The following XRRA1 variants were observed in gnomAD, a reference collection of about 807,000 sequenced individuals.
The protein encoded by XRRA1 is X-ray radiation resistance associated 1.
XRRA1 carries 69 observed loss-of-function variants against 80.2 expected under a neutral mutation model. The observed-to-expected ratio is 0.86, with a 90% CI of 0.71 to 1.05. The LOEUF is 1.05. Ranked by LOEUF, XRRA1 falls within the 50% of genes least tolerant of loss-of-function variation. The probability of loss-of-function intolerance (pLI) is 0.00; values close to 1 mark genes in which losing one functional copy is unlikely to be tolerated. For synonymous variants in XRRA1, 348 were observed against 389.9 expected (o/e 0.89, Z 1.27); for missense variants, 967 against 976.4 (o/e 0.99, Z 0.13).
At chr11:74,929,756 A>G (rs553845671) in intron 6 of XRRA1, among the ~76,000 whole-genome samples, 49 of 152,214 alleles carry the variant, frequency 3.2e-4, no homozygotes, top group Non-Finnish European at 5.4e-4. Context: ...TTGAAGTCCC[A>G]CGTATATGCT....
intron 5 of XRRA1, 137 bp downstream of exon 5, chr11:74,933,664 C>G: frequency 3.0e-6 from 2 of 675,134 alleles, no homozygotes; most frequent in Non-Finnish European, 5.1e-6. Context: ...CCTTGTCTGA[C>G]TCTCCTCTCC....
intron 10 of XRRA1, among the ~76,000 whole-genome samples, chr11:74,905,609 G>T (rs568082801): frequency 6.6e-6 from 1 of 152,264 alleles, no homozygotes; most frequent in Admixed American, 6.5e-5. Flanking sequence ...TGTGGTTTTT[G>T]ATTTGTTTTG....
intron 10 of XRRA1, among the ~76,000 whole-genome samples, chr11:74,904,835 A>G (rs374466784): frequency 1.5e-4 from 22 of 151,646 alleles, no homozygotes; most frequent in East Asian, 1.4e-3. Flanking sequence ...AAAATACACA[A>G]CCTACCAAGA....
chr11:74,886,654 G>C (rs1445528872), intron 10 of XRRA1, among the ~76,000 whole-genome samples: 1 of 152,066 alleles, frequency 6.6e-6, no homozygotes. Context: ...GCAATTTATA[G>C]ATTCAATGCT....
chr11:74,853,096 T>A (rs2040273800), intron 12 of XRRA1, among the ~76,000 whole-genome samples: 1 of 152,184 alleles, frequency 6.6e-6, no homozygotes, highest in Non-Finnish European at 1.5e-5. Context: ...ACAGACACAA[T>A]TTCTGCCCTC....
intron 10 of XRRA1, chr11:74,863,367 T>TA (rs1206006459): frequency 3.5e-6 from 1 of 289,770 alleles, no homozygotes; most frequent in Non-Finnish European, 6.5e-6. Context: ...TTAAAGCACA[T>TA]AAGCACTTTC....
intron 8 of XRRA1, among the ~76,000 whole-genome samples, chr11:74,914,979 G>C (rs1311833028): frequency 6.6e-6 from 1 of 152,180 alleles, no homozygotes; most frequent in African/African-American, 2.4e-5. Context: ...CTAAGGTCCT[G>C]TGGCCATCTA....
intron 2 of XRRA1, 132 bp from the exon 3 acceptor site, chr11:74,941,014 G>A (rs2139915945): frequency 6.2e-6 from 4 of 641,798 alleles, no homozygotes; most frequent in South Asian, 5.6e-5. Flanking sequence ...ACACCCTGGA[G>A]GCCCCACTGC....
At chr11:74,897,441 T>G (rs918718505) in intron 10 of XRRA1, among the ~76,000 whole-genome samples, 1 of 151,976 alleles carries the variant, frequency 6.6e-6, no homozygotes, top group African/African-American at 2.4e-5. Flanking sequence ...GATAGAAAGT[T>G]TATTCAAATG....
intron 8 of XRRA1, among the ~76,000 whole-genome samples, chr11:74,908,844 T>G (rs79105241): frequency 0.024 from 3,636 of 152,296 alleles, 128 homozygotes; most frequent in African/African-American, 0.083. Context: ...AATCTCTTCG[T>G]GGCTGGATCT....
intron 5 of XRRA1, among the ~76,000 whole-genome samples, chr11:74,932,522 GCA>G (rs955087041): frequency 1.3e-5 from 2 of 152,162 alleles, no homozygotes; most frequent in African/African-American, 4.8e-5. Flanking sequence ...CCAGCAAATA[GCA>G]CAGAGACACA....
intron 7 of XRRA1, among the ~76,000 whole-genome samples, chr11:74,924,661 C>T (rs1462962059): frequency 6.6e-6 from 1 of 151,894 alleles, no homozygotes; most frequent in East Asian, 1.9e-4. Flanking sequence ...AGGTGAAACC[C>T]TTCTCTACCA....
At chr11:74,850,990 C>T in intron 14 of XRRA1, 98 bp downstream of exon 14, 1 of 783,916 alleles carries the variant, frequency 1.3e-6, no homozygotes, top group South Asian at 2.0e-5. Context: ...AGATTCCAGG[C>T]ACTGTGGAGT....
chr11:74,911,744 T>C (rs2055939729), intron 8 of XRRA1, among the ~76,000 whole-genome samples: 1 of 151,830 alleles, frequency 6.6e-6, no homozygotes, highest in Admixed American at 6.6e-5. Flanking sequence ...ATAAGAGATG[T>C]GAAGAGAGAA....
intron 12 of XRRA1, among the ~76,000 whole-genome samples, chr11:74,855,510 G>C (rs562246220): frequency 2.0e-5 from 3 of 152,314 alleles, no homozygotes; most frequent in African/African-American, 7.2e-5. Context: ...GCGGAAATCT[G>C]GCCATGGGGC....
chr11:74,852,968 C>T (rs1037100910), intron 12 of XRRA1, among the ~76,000 whole-genome samples: 4 of 152,166 alleles, frequency 2.6e-5, no homozygotes, highest in East Asian at 1.9e-4. Flanking sequence ...TAGCTTCCTC[C>T]GCAGCCTTAC....
intron 4 of XRRA1, 45 bp from the exon 5 acceptor site, chr11:74,933,917 TTTAA>T (rs1591559271): frequency 6.5e-7 from 1 of 1,545,124 alleles, no homozygotes; most frequent in Non-Finnish European, 8.8e-7. Context: ...CCCTACAAAG[TTTAA>T]TTAATCTATT....
rs1940701664 is a variant in XRRA1, at chr11:74,921,299, A to G, written c.571T>C (p.Leu191=). The G allele has an allele frequency of 6.2e-7, 1 of 1,613,888 alleles. No individual in the cohort carries two copies. Among genetic ancestry groups the G allele is most frequent in the East Asian group, 2.2e-5 (1 of 44,902 alleles). ...NSLTVEAICD[L]GILPHLRVLL... is the part of the protein sequence containing the mutation. ...ACACGGAGGTGTGGCAGAATCCCCA[A>G]ATCACAGATGGCCTCCACAGTCAGG... is the stretch of plus-strand genomic sequence containing the variant. The change falls in exon 8 of 19, where the codon TTG becomes CTG. Residue 191 remains leucine (L), a synonymous_variant. Coordinates refer to ENST00000684022, the MANE Select transcript of XRRA1 (RefSeq NM_001378157.1).
intron 12 of XRRA1, among the ~76,000 whole-genome samples, chr11:74,854,263 T>C (rs1006626893): frequency 6.6e-6 from 1 of 152,140 alleles, no homozygotes; most frequent in Non-Finnish European, 1.5e-5. Context: ...TTTGAGTCAC[T>C]GTTCATGGGC....
Sources: allele counts gnomAD v4.1 joint callset (sites outside exome capture counted in the v4.1 genomes callset), GRCh38; gene constraint gnomAD v4.1.1; transcripts MANE v1.5; gene names NCBI Gene and HGNC (gene_info 2026-07-23, HGNC 2026-07-21).